RBMS3: variants seen among roughly 807,000 people sequenced by gnomAD.
RBMS3 encodes RNA binding motif single stranded interacting protein 3.
In RBMS3, 27 loss-of-function variants were observed where a neutral mutation model predicts 66.8. The observed-to-expected ratio is 0.40, with a 90% CI of 0.30 to 0.56. The LOEUF is 0.56. Ranked by LOEUF, RBMS3 falls within the 20% of genes least tolerant of loss-of-function variation. The pLI is 0.40. For synonymous variants in RBMS3, 188 were observed against 183.0 expected, an observed-to-expected ratio of 1.03 and a Z score of -0.22; for missense variants, 513 against 549.5, an observed-to-expected ratio of 0.93 and a Z score of 0.66.
chr3:30,009,440 T>C lies in RBMS3; in HGVS notation c.*5578T>C, dbSNP rs1369302346. ...TTATATGTCATAAATTTTGATTATC[T>C]ATAATGTCTTTTCTTATCTACCACA... On this transcript the variant is annotated 3_prime_UTR_variant, in exon 15 of 15. Coordinates refer to ENST00000383767, the MANE Select transcript of RBMS3 (RefSeq NM_001003793.3). 6.6e-6 allele frequency: 1 copy of C among 152,152 alleles called. No homozygotes were observed. The highest frequency in any genetic ancestry group is 6.6e-5 in the Admixed American group (1 of 15,258). 9.4% of individuals were successfully genotyped at this position (152,152 alleles called of 1,614,324 possible).
rs569676532 is a variant in RBMS3, at chr3:29,780,895, CT to C, written c.637+17913del. 5.8e-4 allele frequency among the ~76,000 whole-genome samples: 88 copies of C among 152,084 alleles called. 1 individual carries two copies. In the South Asian group the frequency reaches 0.017, roughly 29 times the overall value. The stretch of plus-strand genomic sequence containing the variant: ...GATCTACTTCAAAATTATTTTGTCA[CT>C]TTTTTTCCAAAATATAAAGATATAT... On this transcript the variant is annotated intron_variant, in intron 6 of 14. Transcript: ENST00000383767.
At chr3:29,777,356 A>G (rs918324484) in intron 6 of RBMS3, among the ~76,000 whole-genome samples, 5 of 151,958 alleles carry the variant, frequency 3.3e-5, no homozygotes, top group Non-Finnish European at 7.4e-5. Context: ...CCATTTGAAC[A>G]TACGATGTTT....
intron 13 of RBMS3, 81 bp from the exon 14 acceptor site, chr3:29,991,001 A>G (rs1318954934): frequency 2.2e-6 from 3 of 1,394,780 alleles, no homozygotes; most frequent in Non-Finnish European, 3.0e-6. Flanking sequence ...AGCCAAATAG[A>G]AGAGGGGTAC....
chr3:29,630,545 G>C (rs1447339652), intron 4 of RBMS3, among the ~76,000 whole-genome samples: 2 of 151,926 alleles, frequency 1.3e-5, no homozygotes, highest in Non-Finnish European at 2.9e-5. Context: ...GAAAAAGGAA[G>C]AGAGAGAAAA....
intron 10 of RBMS3, chr3:29,924,961 A>T (rs2060894590): frequency 6.6e-6 from 1 of 152,172 alleles, no homozygotes; most frequent in Non-Finnish European, 1.5e-5. Context: ...AACGATCAAG[A>T]TGACTTAGGA....
intron 5 of RBMS3, among the ~76,000 whole-genome samples, chr3:29,751,975 A>G (rs1230801480): frequency 6.6e-6 from 1 of 152,172 alleles, no homozygotes; most frequent in Non-Finnish European, 1.5e-5. Context: ...TAGCTTTGTC[A>G]TCCATGGATG....
intron 10 of RBMS3, among the ~76,000 whole-genome samples, chr3:29,912,185 A>C (rs1332476067): frequency 1.3e-5 from 2 of 152,036 alleles, no homozygotes; most frequent in African/African-American, 2.4e-5. Context: ...TTATTATTTG[A>C]GAGTTTATTC....
At chr3:29,609,951 C>T (rs555510686) in intron 4 of RBMS3, among the ~76,000 whole-genome samples, 8 of 152,116 alleles carry the variant, frequency 5.3e-5, no homozygotes, top group African/African-American at 1.9e-4. Flanking sequence ...GCACGTAGAG[C>T]TTTTCTGTTC....
At chr3:29,691,130 A>T (rs2051986224) in intron 4 of RBMS3, among the ~76,000 whole-genome samples, 1 of 152,240 alleles carries the variant, frequency 6.6e-6, no homozygotes, top group Non-Finnish European at 1.5e-5. Context: ...GAGATATTGT[A>T]TAAATATGCC....
rs538156904 is a variant in RBMS3 at position 29,644,804 on chromosome 3, T to C, written c.399+57599T>C. ...GCTGACATTTTTATCGATGGTTCCATGAACCTGAATGTGTACTTCAATCCA... is the reference window on the plus strand; with the variant it reads ...GCTGACATTTTTATCGATGGTTCCACGAACCTGAATGTGTACTTCAATCCA... On this transcript the variant is annotated intron_variant, in intron 4 of 14. Coordinates refer to ENST00000383767, the MANE Select transcript of RBMS3 (RefSeq NM_001003793.3). Among the ~76,000 whole-genome samples the C allele has an allele frequency of 2.6e-5, 4 of 152,312 alleles. No homozygotes were observed. The East Asian group carries it at 7.7e-4, about 29-fold the overall frequency.
chr3:29,452,617 G>A (rs2042051890), intron 2 of RBMS3, among the ~76,000 whole-genome samples: 2 of 152,164 alleles, frequency 1.3e-5, no homozygotes, highest in African/African-American at 2.4e-5. Context: ...CAGGAAAGCT[G>A]GAGATAAGAA....
At chr3:29,827,836 A>G (rs2058249274) in intron 6 of RBMS3, among the ~76,000 whole-genome samples, 1 of 152,170 alleles carries the variant, frequency 6.6e-6, no homozygotes, top group African/African-American at 2.4e-5. Context: ...GCTACATAAA[A>G]CAGACCAAAA....
intron 6 of RBMS3, among the ~76,000 whole-genome samples, chr3:29,861,196 A>ACTT (rs1331325096): frequency 2.6e-5 from 4 of 152,168 alleles, no homozygotes; most frequent in Non-Finnish European, 5.9e-5. Context: ...TAACATTTTA[A>ACTT]CTTTTAGTTT....
At chr3:29,574,112 T>C (rs1018112961) in intron 3 of RBMS3, among the ~76,000 whole-genome samples, 1 of 152,190 alleles carries the variant, frequency 6.6e-6, no homozygotes, top group Non-Finnish European at 1.5e-5. Context: ...GATGTTTCTT[T>C]GTTGAGTTTC....
At chr3:29,847,818 G>T (rs1219675109) in intron 6 of RBMS3, among the ~76,000 whole-genome samples, 2 of 151,998 alleles carry the variant, frequency 1.3e-5, no homozygotes, top group Non-Finnish European at 2.9e-5. Flanking sequence ...GTCACGCCCG[G>T]CTAATTTTCT....
chr3:29,424,791 C>A (rs1015815337), intron 1 of RBMS3, among the ~76,000 whole-genome samples: 1 of 152,010 alleles, frequency 6.6e-6, no homozygotes, highest in South Asian at 2.1e-4. Flanking sequence ...CTACAAGTAA[C>A]CAAATCAGTA....
At chr3:29,549,776 G>C (rs2046117765) in intron 3 of RBMS3, among the ~76,000 whole-genome samples, 1 of 151,962 alleles carries the variant, frequency 6.6e-6, no homozygotes, top group Non-Finnish European at 1.5e-5. Flanking sequence ...TGGCAGCTAT[G>C]CTAGTGCACA....
chr3:29,793,275 A>G (rs1345126570), intron 6 of RBMS3, among the ~76,000 whole-genome samples: 1 of 151,826 alleles, frequency 6.6e-6, no homozygotes, highest in South Asian at 2.1e-4. Flanking sequence ...GCAGAAAGAG[A>G]AACCTAGTAA....
At chr3:29,831,150 C>G (rs1156905711) in intron 6 of RBMS3, among the ~76,000 whole-genome samples, 1 of 152,162 alleles carries the variant, frequency 6.6e-6, no homozygotes, top group Admixed American at 6.5e-5. Flanking sequence ...AAACAACTTT[C>G]ATATACATAG....
Sources: gnomAD v4.1 joint callset for allele counts (sites outside exome capture counted in the v4.1 genomes callset) on GRCh38, gnomAD v4.1.1 for gene constraint, MANE v1.5 for transcripts, NCBI Gene and HGNC (gene_info 2026-07-23, HGNC 2026-07-21) for gene names.